MIOS: variants seen among roughly 807,000 people sequenced by gnomAD.
The protein encoded by MIOS is meiosis regulator for oocyte development.
MIOS carries 52 observed loss-of-function variants against 96.9 expected under a neutral mutation model. The ratio of observed to expected loss-of-function variants is 0.54; its 90% CI spans 0.43 to 0.68. The LOEUF is 0.68. MIOS is among the 30% of genes least tolerant of loss of function. The pLI, the probability that MIOS is intolerant of heterozygous loss-of-function variation, is 0.00. For synonymous variants in MIOS, 397 were observed against 359.5 expected (o/e 1.10, Z -1.18); for missense variants, 1,005 against 1,052.8 (o/e 0.95, Z 0.63).
intron 7 of MIOS, among the ~76,000 whole-genome samples, chr7:7,587,180 T>G (rs1041271932): frequency 1.3e-5 from 2 of 152,050 alleles, no homozygotes; most frequent in African/African-American, 4.8e-5. Flanking sequence ...CGGCTAATTT[T>G]TGTATTTTTA....
At chr7:7,570,077 G>T (rs781133948) in intron 3 of MIOS, among the ~76,000 whole-genome samples, 3 of 152,138 alleles carry the variant, frequency 2.0e-5, no homozygotes, top group Admixed American at 1.3e-4. Flanking sequence ...TTTTACTCTG[G>T]TATTCTATAA....
At position 7,595,981 on chromosome 7, in the gene MIOS, A is replaced by T. The variant is rs78109939; in HGVS notation, c.2197-276A>T. On this transcript the variant is annotated intron_variant, in intron 10 of 12. Coordinates refer to ENST00000340080, the MANE Select transcript of MIOS (RefSeq NM_019005.4). ...ATGGCCCAGTGTGAATTCTGAAGTC[A>T]TTGTTATTTCTAAAATGTTGGAGTC... is the stretch of plus-strand genomic sequence containing the variant. Among the ~76,000 whole-genome samples the T allele has an allele frequency of 2.3e-3, 352 of 152,244 alleles. 1 individual carries two copies. The highest frequency in any genetic ancestry group is 8.2e-3 in the African/African-American group (339 of 41,546).
Position 7,596,348 on chromosome 7 carries a change from T to G in MIOS, c.2288T>G (p.Val763Gly). ...HQGRGFSQYG[V>G]SGSPTKSKVT... Reference sequence around the variant, plus strand: ...GGCAGAGGTTTTAGTCAGTATGGTGTGAGTGGCTCACCAACGAAATCTAAA... The same window carrying G: ...GGCAGAGGTTTTAGTCAGTATGGTGGGAGTGGCTCACCAACGAAATCTAAA... Residue 763 changes from valine (V) to glycine (G), a missense_variant, in exon 11 of 13, where the codon GTG (valine) becomes GGG (glycine). By Grantham distance (109) the Val-to-Gly change is moderately radical (BLOSUM62 -3). Transcript: ENST00000340080. 1 of 1,614,158 alleles carries G rather than the reference T, an allele frequency of 6.2e-7. No homozygotes were observed. Among genetic ancestry groups the G allele is most frequent in the Non-Finnish European group, 8.5e-7 (1 of 1,180,006 alleles).
intron 11 of MIOS, among the ~76,000 whole-genome samples, chr7:7,604,141 C>G (rs2115506216): frequency 6.6e-6 from 1 of 152,098 alleles, no homozygotes; most frequent in East Asian, 1.9e-4. Context: ...GTGGAGCACA[C>G]CAACATGGCA....
intron 6 of MIOS, among the ~76,000 whole-genome samples, chr7:7,585,416 CT>C (rs777174384): frequency 0.33 from 24,210 of 73,272 alleles, 2,127 homozygotes; most frequent in East Asian, 0.51. Context: ...AAACCCCCCC[CT>C]TTTTTTTTTT....
intron 11 of MIOS, among the ~76,000 whole-genome samples, chr7:7,603,050 A>G (rs1784425376): frequency 6.6e-6 from 1 of 151,958 alleles, no homozygotes. Flanking sequence ...CCTTCCTTAC[A>G]CCTTATACAA....
At chr7:7,580,097 A>G (rs1481033778) in intron 5 of MIOS, among the ~76,000 whole-genome samples, 1 of 152,254 alleles carries the variant, frequency 6.6e-6, no homozygotes, top group East Asian at 1.9e-4. Flanking sequence ...CAAAATTTAT[A>G]GGAGAGATAT....
intron 12 of MIOS, 47 bp downstream of exon 12, chr7:7,606,118 A>G: frequency 6.3e-7 from 1 of 1,598,676 alleles, no homozygotes; most frequent in Admixed American, 1.7e-5. Flanking sequence ...TATGGGGGAT[A>G]ACACAGATTG....
At chr7:7,599,302 A>G (rs971081383) in intron 11 of MIOS, among the ~76,000 whole-genome samples, 1 of 152,224 alleles carries the variant, frequency 6.6e-6, no homozygotes, top group Non-Finnish European at 1.5e-5. Flanking sequence ...GTTTGATTAC[A>G]GGGTGCTTTA....
intron 8 of MIOS, 64 bp from the exon 9 acceptor site, chr7:7,589,341 G>C: frequency 2.1e-6 from 3 of 1,409,338 alleles, no homozygotes; most frequent in African/African-American, 1.4e-5. Flanking sequence ...TCAAAATGTA[G>C]TTTTGAAGTA....
intron 11 of MIOS, among the ~76,000 whole-genome samples, chr7:7,604,030 C>G (rs1253695255): frequency 1.5e-5 from 2 of 136,694 alleles, no homozygotes; most frequent in African/African-American, 5.6e-5. Flanking sequence ...CACATGGACA[C>G]AGTAAGGGGA....
chr7:7,590,067 C>T (rs1282275448), intron 9 of MIOS, among the ~76,000 whole-genome samples: 1 of 152,162 alleles, frequency 6.6e-6, no homozygotes, highest in Admixed American at 6.5e-5. Flanking sequence ...AGATTGCTGT[C>T]TACTTTACTT....
intron 11 of MIOS, among the ~76,000 whole-genome samples, chr7:7,603,881 C>G (rs1784449321): frequency 6.6e-6 from 1 of 151,180 alleles, no homozygotes; most frequent in African/African-American, 2.4e-5. Flanking sequence ...ACTATGCAGC[C>G]ATAAAAAATG....
At chr7:7,569,756 G>C (rs1055472249) in intron 3 of MIOS, among the ~76,000 whole-genome samples, 2 of 152,204 alleles carry the variant, frequency 1.3e-5, no homozygotes, top group African/African-American at 2.4e-5. Flanking sequence ...ACCTCGACTA[G>C]GGAGGGGATG....
At chr7:7,589,905 A>G (rs1396952751) in intron 9 of MIOS, among the ~76,000 whole-genome samples, 2 of 152,184 alleles carry the variant, frequency 1.3e-5, no homozygotes, top group Non-Finnish European at 2.9e-5. Context: ...GATCTCAACT[A>G]TAGTCTTACT....
In MIOS at chr7:7,573,947, T is replaced by C. The variant is rs556236491; in HGVS notation, c.1295-151T>C. On this transcript the variant is annotated intron_variant, in intron 4 of 12. Transcript: ENST00000340080. The surrounding 1 kb of genome is among the most constrained non-coding windows in gnomAD (Gnocchi z 5.0). Reference sequence around the variant, plus strand: ...CGAACTTGAAATACTGCTTTGTAGATTGTGTAGGAGGAAGAAAAGTGTATC... The same window carrying C: ...CGAACTTGAAATACTGCTTTGTAGACTGTGTAGGAGGAAGAAAAGTGTATC... 3.1e-5 allele frequency: 27 copies of C among 872,786 alleles called. No homozygotes were observed. The highest frequency in any genetic ancestry group is 2.0e-4 in the Admixed American group (7 of 34,328). The allele number at this position is 872,786 out of a possible 1,614,324, so 54.1% of individuals were successfully genotyped here.
intron 11 of MIOS, among the ~76,000 whole-genome samples, chr7:7,596,782 T>G (rs1784215025): frequency 6.6e-6 from 1 of 152,250 alleles, no homozygotes; most frequent in Non-Finnish European, 1.5e-5. Context: ...CAAATTTGAT[T>G]ATTTAAAAGT....
chr7:7,600,864 T>G (rs961783767), intron 11 of MIOS, among the ~76,000 whole-genome samples: 7 of 152,120 alleles, frequency 4.6e-5, no homozygotes, highest in African/African-American at 1.7e-4. Flanking sequence ...TATAACAAAC[T>G]GTCTCTCAGA....
intron 5 of MIOS, among the ~76,000 whole-genome samples, chr7:7,580,868 G>A (rs1323126160): frequency 1.3e-5 from 2 of 150,460 alleles, no homozygotes; most frequent in Non-Finnish European, 3.0e-5. Flanking sequence ...TGTATTTTTA[G>A]TAGAGACCGG....
Sources: gnomAD v4.1 joint callset for allele counts (sites outside exome capture counted in the v4.1 genomes callset) on GRCh38, gnomAD v4.1.1 for gene constraint, Gnocchi (gnomAD v3.1) non-coding constraint, MANE v1.5 for transcripts, NCBI Gene and HGNC (gene_info 2026-07-23, HGNC 2026-07-21) for gene names.